PRKCZ: variants seen among roughly 807,000 people sequenced by gnomAD.
The protein encoded by PRKCZ is protein kinase C zeta type.
In PRKCZ, 33 loss-of-function variants were observed where a neutral mutation model predicts 79.5. The observed-to-expected ratio is 0.41, with a 90% CI of 0.31 to 0.55. The LOEUF (loss-of-function observed/expected upper bound fraction) is 0.55, where lower values mean the gene tolerates loss of function less well. Among genes scored for constraint, PRKCZ ranks in the 20% least tolerant of loss-of-function variants. The pLI is 0.19. For synonymous variants in PRKCZ, 342 were observed against 320.9 expected (o/e 1.07, Z -0.70); for missense variants, 578 against 813.5 (o/e 0.71, Z 3.52).
chr1:2,135,667 G>A (rs1676045042), intron 5 of PRKCZ, among the ~76,000 whole-genome samples: 1 of 152,204 alleles, frequency 6.6e-6, no homozygotes, highest in African/African-American at 2.4e-5. Flanking sequence ...AGAGTGGGGC[G>A]GCCGCATTCC....
chr1:2,128,866 C>T lies in PRKCZ; in HGVS notation c.335-6396C>T, dbSNP rs983254630. ...TCCACAGAGGTAGCCGGGGGACTCG[C>T]GGTGCCAGGCCCACAGCCTCCTCGC... On this transcript the variant is annotated intron_variant, in intron 4 of 17. Coordinates refer to ENST00000378567, the MANE Select transcript of PRKCZ (RefSeq NM_002744.6). This position sits in a 1 kb window ranked among gnomAD's most constrained non-coding sequence, Gnocchi z 6.5. Among the ~76,000 whole-genome samples, 6 of 152,294 alleles carry T rather than the reference C, an allele frequency of 3.9e-5. No homozygotes were observed. The highest frequency in any genetic ancestry group is 7.2e-5 in the African/African-American group (3 of 41,564).
chr1:2,070,449 C>T (rs556746911), intron 4 of PRKCZ, among the ~76,000 whole-genome samples: 1 of 152,310 alleles, frequency 6.6e-6, no homozygotes, highest in East Asian at 1.9e-4. Flanking sequence ...GACACCGTGA[C>T]TACTGCCTTT....
intron 4 of PRKCZ, among the ~76,000 whole-genome samples, chr1:2,098,859 A>G (rs1666985191): frequency 6.6e-6 from 1 of 151,666 alleles, no homozygotes; most frequent in South Asian, 2.1e-4. Flanking sequence ...TTTTTTGTAT[A>G]TTTAGTGGAG....
At chr1:2,147,666 G>A (rs368126986) in intron 7 of PRKCZ, among the ~76,000 whole-genome samples, 4 of 120,306 alleles carry the variant, frequency 3.3e-5, no homozygotes, top group Admixed American at 8.6e-5. Flanking sequence ...GTCCACTGAC[G>A]TCTCCATCTG....
In PRKCZ at chr1:2,169,581, G is replaced by A. The variant is rs1402089714; in HGVS notation, c.1038G>A (p.Arg346=). ...TGATGTTCCACATGCAGAGGCAGAG[G>A]AAGCTCCCTGAGGAGCACGCCAGGT... is the stretch of plus-strand genomic sequence containing the variant. ...GDLMFHMQRQ[R]KLPEEHARFY... The change falls in exon 11 of 18, where the codon AGG becomes AGA. Residue 346 remains arginine, a synonymous_variant. Coordinates refer to ENST00000378567, the MANE Select transcript of PRKCZ (RefSeq NM_002744.6). The A allele has an allele frequency of 9.2e-6, 14 of 1,520,256 alleles. No homozygotes were observed. Among genetic ancestry groups the A allele is most frequent in the Non-Finnish European group, 1.2e-5 (13 of 1,126,102 alleles). The allele number at this position is 1,520,256 out of a possible 1,614,324, so 94.2% of individuals were successfully genotyped here.
At chr1:2,126,209 C>CAAACAG (rs1673854613) in intron 4 of PRKCZ, among the ~76,000 whole-genome samples, 1 of 152,218 alleles carries the variant, frequency 6.6e-6, no homozygotes, top group African/African-American at 2.4e-5. Flanking sequence ...CAATGGGAAA[C>CAAACAG]TTTTCTTCAG....
In PRKCZ at chr1:2,172,471, G is replaced by A. The variant is rs947904272; in HGVS notation, c.1285+83G>A. ...CCTGGCCCAGCAGCCAGGGAGAGGT[G>A]TCCTTGACCATCTTACACCCAAAAG... On this transcript the variant is annotated intron_variant, in intron 13 of 17. Coordinates refer to ENST00000378567, the MANE Select transcript of PRKCZ (RefSeq NM_002744.6). The surrounding 1 kb of genome is among the most constrained non-coding windows in gnomAD (Gnocchi z 7.8). The A allele has an allele frequency of 2.8e-6, 4 of 1,407,188 alleles. No homozygotes were observed. Among genetic ancestry groups the A allele is most frequent in the East Asian group, 2.5e-5 (1 of 40,424 alleles). The allele number at this position is 1,407,188 out of a possible 1,614,324, so 87.2% of individuals were successfully genotyped here.
rs552838726 is a variant in PRKCZ, at chr1:2,165,432, G to A, written c.975-4086G>A. Among the ~76,000 whole-genome samples, 9 of 152,232 alleles carry A rather than the reference G, an allele frequency of 5.9e-5. No individual in the cohort carries two copies. Among genetic ancestry groups the A allele is most frequent in the Middle Eastern group, 3.4e-3 (1 of 294 alleles). On this transcript the variant is annotated intron_variant, in intron 10 of 17. Coordinates refer to ENST00000378567, the MANE Select transcript of PRKCZ (RefSeq NM_002744.6). The surrounding 1 kb of genome is among the most constrained non-coding windows in gnomAD (Gnocchi z 4.1). The stretch of plus-strand genomic sequence containing the variant: ...ACGTCCCCTAACCTGTCTGTGCCTC[G>A]GCTTCCCCATCTGTAAAATGGCGAG...
chr1:2,184,521 C>T, intron 16 of PRKCZ, 62 bp from the exon 17 acceptor site: 1 of 1,267,334 alleles, frequency 7.9e-7, no homozygotes. Flanking sequence ...GCGTGCAAAA[C>T]ACTCAATCTG....
At chr1:2,142,638 C>A in intron 5 of PRKCZ, 1 of 199,178 alleles carries the variant, frequency 5.0e-6, no homozygotes, top group Non-Finnish European at 1.1e-5. Flanking sequence ...CATGGCTGGG[C>A]TGATGTAGGT....
intron 4 of PRKCZ, among the ~76,000 whole-genome samples, chr1:2,078,821 C>T (rs1447076744): frequency 2.7e-5 from 4 of 149,788 alleles, no homozygotes; most frequent in East Asian, 3.9e-4. Context: ...TCTTGTCTTT[C>T]GATCTTTTTT....
chr1:2,055,748 G>T, intron 2 of PRKCZ, 186 bp downstream of exon 2: 1 of 859,006 alleles, frequency 1.2e-6, no homozygotes, highest in South Asian at 2.0e-5. Context: ...TGCTTATCAA[G>T]GACCTGGGCC....
At chr1:2,085,979 C>T (rs1405747762) in intron 4 of PRKCZ, among the ~76,000 whole-genome samples, 1 of 152,068 alleles carries the variant, frequency 6.6e-6, no homozygotes, top group Non-Finnish European at 1.5e-5. Flanking sequence ...GCTGTGTCTT[C>T]TCCCCTCCCT....
In PRKCZ at chr1:2,050,592, C is replaced by T; in HGVS notation, c.-39C>T. ...CCCGCCCCGCGCCATGGCCGGAGCT[C>T]CCGGGGCGCAGCGCTGACGGCGGCG... On this transcript the variant is annotated 5_prime_UTR_variant, in exon 1 of 18. Transcript: ENST00000378567. The T allele has an allele frequency of 1.7e-6, 2 of 1,197,202 alleles. No homozygotes were observed. Among genetic ancestry groups the T allele is most frequent in the Non-Finnish European group, 2.1e-6 (2 of 959,940 alleles). 74.2% of individuals were successfully genotyped at this position (1,197,202 alleles called of 1,614,324 possible).
upstream of PRKCZ, chr1:2,050,402 G>GAC (rs1659528013): frequency 5.6e-6 from 1 of 177,936 alleles, no homozygotes. Flanking sequence ...CTCCACCTCG[G>GAC]TCCGCCATGT....
At chr1:2,073,591 G>A in intron 4 of PRKCZ, 1 of 983,876 alleles carries the variant, frequency 1.0e-6, no homozygotes, top group Non-Finnish European at 1.2e-6. Flanking sequence ...CTGTGCTGAT[G>A]CAGAGATGCT....
chr1:2,082,250 T>G lies in PRKCZ; in HGVS notation c.334+22659T>G. Reference sequence around the variant, plus strand: ...TTTTCCCTGCTCCAGGGCTGTGTATTTGGCAAGAGGGAGGCTCCGTGGCAC... The same window carrying G: ...TTTTCCCTGCTCCAGGGCTGTGTATGTGGCAAGAGGGAGGCTCCGTGGCAC... On this transcript the variant is annotated intron_variant, in intron 4 of 17. Transcript: ENST00000378567. This position sits in a 1 kb window ranked among gnomAD's most constrained non-coding sequence, Gnocchi z 4.4. The G allele has an allele frequency of 2.5e-6, 1 of 399,550 alleles. No individual in the cohort carries two copies. Among genetic ancestry groups the G allele is most frequent in the South Asian group, 1.9e-5 (1 of 53,536 alleles). 24.8% of individuals were successfully genotyped at this position (399,550 alleles called of 1,614,324 possible). A position where few individuals can be genotyped will look rare whatever the true frequency, so the allele number is the denominator to read the frequency against.
rs1019256016 is a variant in PRKCZ at position 2,165,700 on chromosome 1, C to T, written c.975-3818C>T. Among the ~76,000 whole-genome samples the T allele has an allele frequency of 6.6e-6, 1 of 152,174 alleles. No homozygotes were observed. Among genetic ancestry groups the T allele is most frequent in the Non-Finnish European group, 1.5e-5 (1 of 68,024 alleles). On this transcript the variant is annotated intron_variant, in intron 10 of 17. Coordinates refer to ENST00000378567, the MANE Select transcript of PRKCZ (RefSeq NM_002744.6). The surrounding 1 kb of genome is among the most constrained non-coding windows in gnomAD (Gnocchi z 4.1). ...GTGTTCCACCAGAACTTTCTGTACA[C>T]ACATGGTGGTGGCCCGCCCGGACCC...
At chr1:2,155,206 TGGC>T (rs1680719044) in intron 9 of PRKCZ, among the ~76,000 whole-genome samples, 1 of 151,188 alleles carries the variant, frequency 6.6e-6, no homozygotes, top group East Asian at 2.0e-4. Context: ...ATGTTGATGA[TGGC>T]GGTGATGATG....
Sources: allele counts gnomAD v4.1 joint callset (sites outside exome capture counted in the v4.1 genomes callset), GRCh38; gene constraint gnomAD v4.1.1; non-coding constraint Gnocchi (gnomAD v3.1); transcripts MANE v1.5; gene names NCBI Gene and HGNC (gene_info 2026-07-23, HGNC 2026-07-21).